The following SMC3 variants were observed in gnomAD, a reference collection of about 807,000 sequenced individuals.
SMC3 encodes the protein structural maintenance of chromosomes protein 3.
In SMC3, 20 loss-of-function variants were observed where a neutral mutation model predicts 171.8. The ratio of observed to expected loss-of-function variants is 0.12; its 90% CI spans 0.08 to 0.17. The LOEUF is 0.17. SMC3 is among the 10% of genes least tolerant of loss of function. The pLI is 1.00. For synonymous variants in SMC3, 464 were observed against 451.1 expected (o/e 1.03, Z -0.36); for missense variants, 543 against 1,420.4 (o/e 0.38, Z 9.93).
At chr10:110,602,722 T>G in intron 26 of SMC3, 57 bp downstream of exon 26, 2 of 1,579,136 alleles carry the variant, frequency 1.3e-6, no homozygotes, top group Non-Finnish European at 8.7e-7. Flanking sequence ...GAATTTATAG[T>G]ATCTTTTGCA....
intron 4 of SMC3, among the ~76,000 whole-genome samples, chr10:110,576,000 T>C (rs907693995): frequency 6.6e-5 from 10 of 152,202 alleles, no homozygotes; most frequent in Admixed American, 1.3e-4. Flanking sequence ...ACTTAGATAG[T>C]AAACATCATT....
rs372378013 is a variant in SMC3 at position 110,601,954 on chromosome 10, T to G, written c.2893-12T>G. ...AAATTTATTTATATGAATACATATT[T>G]TCTCTTTATAGTTGTTTCGAAAACT... On this transcript the variant is annotated splice_polypyrimidine_tract_variant and intron_variant, in intron 24 of 28. Transcript: ENST00000361804. 2 of 1,610,922 alleles carry G rather than the reference T, an allele frequency of 1.2e-6. No individual in the cohort carries two copies. Among genetic ancestry groups the G allele is most frequent in the African/African-American group, 2.7e-5 (2 of 74,784 alleles).
Position 110,602,938 on chromosome 10 carries a change from T to A in SMC3, c.3411T>A (p.Ala1137=), listed in dbSNP as rs1861409335. ...TTGCCATTCAGAAATGTGACCCGGC[T>A]CCATTTTACTTGTTTGATGAAATTG... ...LIFAIQKCDP[A]PFYLFDEIDQ... is the part of the protein sequence containing the mutation. Residue 1137 remains alanine, a synonymous_variant, in exon 27 of 29, where the codon GCT becomes GCA. Coordinates refer to ENST00000361804, the MANE Select transcript of SMC3 (RefSeq NM_005445.4). 1 of 1,614,046 alleles carries A rather than the reference T, an allele frequency of 6.2e-7. No individual in the cohort carries two copies. The highest frequency in any genetic ancestry group is 8.5e-7 in the Non-Finnish European group (1 of 1,180,008).
intron 4 of SMC3, 46 bp downstream of exon 4, chr10:110,575,449 A>T: frequency 7.3e-7 from 1 of 1,364,460 alleles, no homozygotes. Context: ...CATATATTTT[A>T]AAAATAAATT....
At chr10:110,604,094 C>CAAAAAAA (rs57491050) in intron 28 of SMC3, 137 bp from the exon 29 acceptor site, 73 of 230,130 alleles carry the variant, frequency 3.2e-4, no homozygotes, top group Admixed American at 1.0e-3. Flanking sequence ...GACTCCATCT[C>CAAAAAAA]AAAAAAAAAA....
intron 4 of SMC3, 77 bp from the exon 5 acceptor site, chr10:110,577,344 C>T: frequency 1.9e-6 from 2 of 1,075,900 alleles, no homozygotes; most frequent in South Asian, 1.3e-5. Context: ...TGTTATTATG[C>T]CCTAGACTTT....
chr10:110,604,213 T>C lies in SMC3; in HGVS notation c.3583-18T>C. The C allele has an allele frequency of 1.9e-6, 3 of 1,596,002 alleles. No individual in the cohort carries two copies. The highest frequency in any genetic ancestry group is 2.6e-6 in the Non-Finnish European group (3 of 1,164,484). On this transcript the variant is annotated intron_variant, in intron 28 of 28. Transcript: ENST00000361804. ...TGATGTAATTAACAGATTTTTGTTT[T>C]TAACATTTATTCTTCAGGTTAGTCA...
chr10:110,569,045 A>G (rs745587743), intron 2 of SMC3, 32 bp downstream of exon 2: 4 of 1,302,468 alleles, frequency 3.1e-6, no homozygotes, highest in Non-Finnish European at 4.5e-6. Context: ...GGTCATATTT[A>G]TAGTCTATAC....
intron 23 of SMC3, 121 bp downstream of exon 23, chr10:110,601,251 CAATGTATAGCA>C: frequency 1.3e-6 from 1 of 743,778 alleles, no homozygotes; most frequent in Non-Finnish European, 2.4e-6. Flanking sequence ...CCATTATAAA[CAATGTATAGCA>C]AATGGAATTT....
Position 110,587,335 on chromosome 10 carries a change from A to G in SMC3, c.1306-2270A>G, listed in dbSNP as rs550866558. Among the ~76,000 whole-genome samples the G allele has an allele frequency of 2.0e-5, 3 of 152,274 alleles. No homozygotes were observed. In the East Asian group the frequency reaches 5.8e-4, roughly 29 times the overall value. On this transcript the variant is annotated intron_variant, in intron 13 of 28. Transcript: ENST00000361804. Reference sequence around the variant, plus strand: ...GTAGCATCATGGTGTCAGAAAGGGAACCATTAGTGTTCAGATACACCTGGA... The same window carrying G: ...GTAGCATCATGGTGTCAGAAAGGGAGCCATTAGTGTTCAGATACACCTGGA...
intron 13 of SMC3, among the ~76,000 whole-genome samples, chr10:110,589,310 A>G (rs1354270256): frequency 6.6e-6 from 1 of 152,226 alleles, no homozygotes. Context: ...AGTAAATTGT[A>G]CATATTTAGT....
intron 16 of SMC3, 69 bp downstream of exon 16, chr10:110,590,641 A>G: frequency 7.3e-7 from 1 of 1,366,996 alleles, no homozygotes; most frequent in Non-Finnish European, 1.0e-6. Flanking sequence ...CAACTTTTGT[A>G]GTTTTTGTAC....
intron 21 of SMC3, 25 bp downstream of exon 21, chr10:110,599,837 A>G: frequency 1.2e-6 from 2 of 1,611,674 alleles, no homozygotes; most frequent in Non-Finnish European, 1.7e-6. Context: ...GACTGGAAAA[A>G]GAATTCGTTA....
In SMC3 at chr10:110,590,578, A is replaced by AAAC. The variant is rs766155607; in HGVS notation, c.1670+6_1670+7insAAC. 8.1e-6 allele frequency: 13 copies of AAAC among 1,613,588 alleles called. No homozygotes were observed. The African/African-American group carries it at 1.5e-4, about 18-fold the overall frequency. On this transcript the variant is annotated splice_region_variant and intron_variant, in intron 16 of 28. Transcript: ENST00000361804. Reference sequence around the variant, plus strand: ...GAAGTCACTGCTGGAAACAGGTTAAAGCTTTTGCTTGATATTTAGCATTTT... The same window carrying AAAC: ...GAAGTCACTGCTGGAAACAGGTTAAAAACGCTTTTGCTTGATATTTAGCATTTT...
rs36039586 is a variant in SMC3, at chr10:110,598,410, C to CTT, written c.2268+130_2268+131dup. On this transcript the variant is annotated intron_variant, in intron 20 of 28. Coordinates refer to ENST00000361804, the MANE Select transcript of SMC3 (RefSeq NM_005445.4). ...TGTTTCATTTTTGTTTGGACCCATA[C>CTT]TTTTTTTTTTTGAAGACAGAGTCTC... 2,038 of 887,090 alleles carry CTT rather than the reference C, an allele frequency of 2.3e-3. 2 individuals are homozygous for CTT. The highest frequency in any genetic ancestry group is 8.1e-3 in the South Asian group (495 of 60,886). The allele number at this position is 887,090 out of a possible 1,614,324, so 55.0% of individuals were successfully genotyped here.
intron 3 of SMC3, 55 bp downstream of exon 3, chr10:110,573,800 G>T: frequency 8.7e-7 from 1 of 1,144,210 alleles, no homozygotes; most frequent in South Asian, 1.3e-5. Context: ...TCTTAGGGTA[G>T]ATTATTAAAA....
intron 6 of SMC3, 104 bp from the exon 7 acceptor site, chr10:110,578,524 T>C: frequency 2.6e-6 from 2 of 778,448 alleles, no homozygotes; most frequent in Non-Finnish European, 2.2e-6. Flanking sequence ...GTTTAATTAC[T>C]GATCTTTCCT....
chr10:110,576,299 C>T (rs1036032629), intron 4 of SMC3, among the ~76,000 whole-genome samples: 5 of 152,126 alleles, frequency 3.3e-5, no homozygotes, highest in African/African-American at 9.7e-5. Flanking sequence ...GTTGAACCAT[C>T]GTAAGTTGGG....
chr10:110,582,456 A>G lies in SMC3; in HGVS notation c.724-106A>G. 8 of 794,216 alleles carry G rather than the reference A, an allele frequency of 1.0e-5. No homozygotes were observed. The South Asian group carries it at 1.3e-4, about 13-fold the overall frequency. The allele number at this position is 794,216 out of a possible 1,614,324, so 49.2% of individuals were successfully genotyped here. A position where few individuals can be genotyped will look rare whatever the true frequency, so the allele number is the denominator to read the frequency against. ...TTTTAAAATTTTTGTAGAAAATTTGAGCAGTTACTTTTGGTTTATTTTAAT... is the reference window on the plus strand; with the variant it reads ...TTTTAAAATTTTTGTAGAAAATTTGGGCAGTTACTTTTGGTTTATTTTAAT... On this transcript the variant is annotated intron_variant, in intron 9 of 28. Transcript: ENST00000361804.
Sources: allele counts gnomAD v4.1 joint callset (sites outside exome capture counted in the v4.1 genomes callset), GRCh38; gene constraint gnomAD v4.1.1; transcripts MANE v1.5; gene names NCBI Gene and HGNC (gene_info 2026-07-23, HGNC 2026-07-21).